Variants in WASF3 observed in about 807,000 individuals in gnomAD.
WASF3 encodes the protein WASP family member 3.
In WASF3, 11 loss-of-function variants were observed where a neutral mutation model predicts 46.6. The ratio of observed to expected loss-of-function variants is 0.24; its 90% CI spans 0.15 to 0.39. The LOEUF (loss-of-function observed/expected upper bound fraction) is 0.39, where lower values mean the gene tolerates loss of function less well. Ranked by LOEUF, WASF3 falls within the 10% of genes least tolerant of loss-of-function variation. The pLI is 1.00. For missense variants in WASF3, 576 were observed against 669.8 expected (o/e 0.86, Z 1.55); for synonymous variants, 242 against 259.7 (o/e 0.93, Z 0.65).
chr13:26,681,309 A>T lies in WASF3; in HGVS notation c.972A>T (p.Pro324=), dbSNP rs759847609. Residue 324 remains proline (P), a synonymous_variant, in exon 8 of 10, where the codon CCA becomes CCT. Transcript: ENST00000335327. The part of the protein sequence containing the change: ...EGSQASAPMA[P]ADYGMLPAQI... ...CCCAGGCCTCTGCACCGATGGCTCCAGCAGACTACGGGTAACTCAGCATGC... is the reference window on the plus strand; with the variant it reads ...CCCAGGCCTCTGCACCGATGGCTCCTGCAGACTACGGGTAACTCAGCATGC... 1 of 1,597,406 alleles carries T rather than the reference A, an allele frequency of 6.3e-7. No homozygotes were observed. The highest frequency in any genetic ancestry group is 2.2e-5 in the East Asian group (1 of 44,592).
intron 3 of WASF3, among the ~76,000 whole-genome samples, chr13:26,649,963 C>T (rs967550175): frequency 6.6e-6 from 1 of 151,924 alleles, no homozygotes; most frequent in African/African-American, 2.4e-5. Flanking sequence ...CCCAGCTACT[C>T]GGGGGGAGAG....
At chr13:26,612,737 A>T (rs1421081534) in intron 1 of WASF3, among the ~76,000 whole-genome samples, 1 of 152,144 alleles carries the variant, frequency 6.6e-6, no homozygotes, top group Non-Finnish European at 1.5e-5. Flanking sequence ...ATTTACTGTG[A>T]GTCCTTGAAG....
intron 1 of WASF3, among the ~76,000 whole-genome samples, chr13:26,603,327 C>G (rs1006080760): frequency 2.6e-5 from 4 of 152,056 alleles, no homozygotes; most frequent in Non-Finnish European, 5.9e-5. Flanking sequence ...TAAAGGTGTT[C>G]CAGCACCTGA....
At chr13:26,557,274 G>C (rs1231619282), upstream of WASF3, among the ~76,000 whole-genome samples, 1 of 152,204 alleles carries the variant, frequency 6.6e-6, no homozygotes, top group Non-Finnish European at 1.5e-5. Flanking sequence ...AGCCCTGGAG[G>C]ACGTCTGACA....
chr13:26,602,413 A>G (rs970427215), intron 1 of WASF3, among the ~76,000 whole-genome samples: 1 of 152,148 alleles, frequency 6.6e-6, no homozygotes, highest in Non-Finnish European at 1.5e-5. Context: ...GTTCGTTTGT[A>G]TCTTCTCTCA....
At chr13:26,567,596 T>C (rs1439789903) in intron 1 of WASF3, among the ~76,000 whole-genome samples, 1 of 152,206 alleles carries the variant, frequency 6.6e-6, no homozygotes, top group Non-Finnish European at 1.5e-5. Context: ...GCTATCTGGC[T>C]CTTTACAGTA....
At chr13:26,601,571 C>T (rs778302075) in intron 1 of WASF3, among the ~76,000 whole-genome samples, 4 of 152,138 alleles carry the variant, frequency 2.6e-5, no homozygotes, top group Non-Finnish European at 5.9e-5. Context: ...GCATTTTATG[C>T]AGAATTCAAG....
upstream of WASF3, among the ~76,000 whole-genome samples, chr13:26,554,059 C>T (rs1158566260): frequency 1.1e-4 from 9 of 78,974 alleles, no homozygotes; most frequent in Non-Finnish European, 1.5e-4. Context: ...TTCCTTCCTT[C>T]CTTCCTTCCT....
chr13:26,570,860 T>A (rs1879612555), intron 1 of WASF3, among the ~76,000 whole-genome samples: 1 of 152,240 alleles, frequency 6.6e-6, no homozygotes, highest in South Asian at 2.1e-4. Context: ...ATATGTAATC[T>A]TGTTAGACGC....
At chr13:26,651,739 A>C (rs1193922293) in intron 3 of WASF3, among the ~76,000 whole-genome samples, 1 of 152,252 alleles carries the variant, frequency 6.6e-6, no homozygotes, top group Non-Finnish European at 1.5e-5. Flanking sequence ...GTATCTGCTT[A>C]AAAGACTAGT....
chr13:26,583,941 T>C (rs1390598341), intron 1 of WASF3, among the ~76,000 whole-genome samples: 1 of 152,208 alleles, frequency 6.6e-6, no homozygotes, highest in Non-Finnish European at 1.5e-5. Flanking sequence ...CTTAAAAAGG[T>C]TCTGAAAACT....
intron 3 of WASF3, among the ~76,000 whole-genome samples, chr13:26,650,280 C>A (rs1238292593): frequency 6.6e-6 from 1 of 152,146 alleles, no homozygotes; most frequent in East Asian, 1.9e-4. Flanking sequence ...AAGACTGAGA[C>A]CCCAGTCATA....
intron 1 of WASF3, among the ~76,000 whole-genome samples, chr13:26,602,400 T>C (rs1053233050): frequency 6.6e-6 from 1 of 152,238 alleles, no homozygotes; most frequent in Admixed American, 6.5e-5. Flanking sequence ...TTTCCTTGTT[T>C]TTGTTCGTTT....
Position 26,679,888 on chromosome 13 carries a change from C to T in WASF3, c.717-1166C>T. 1 of 841,756 alleles carries T rather than the reference C, an allele frequency of 1.2e-6. No individual in the cohort carries two copies. Among genetic ancestry groups the T allele is most frequent in the East Asian group, 2.7e-5 (1 of 36,472 alleles). The allele number at this position is 841,756 out of a possible 1,614,324, so 52.1% of individuals were successfully genotyped here. A position where few individuals can be genotyped will look rare whatever the true frequency, so the allele number is the denominator to read the frequency against. ...TTAAGGAAGGAAAAAGGAAAAGAAG[C>T]TGTCTCTTCTCATTTGGAAGGCTTT... On this transcript the variant is annotated intron_variant, in intron 7 of 9. Coordinates refer to ENST00000335327, the MANE Select transcript of WASF3 (RefSeq NM_006646.6). The surrounding 1 kb of genome is among the most constrained non-coding windows in gnomAD (Gnocchi z 4.8).
intron 2 of WASF3, among the ~76,000 whole-genome samples, chr13:26,634,782 A>T (rs1457791545): frequency 1.3e-5 from 2 of 152,260 alleles, no homozygotes; most frequent in East Asian, 3.9e-4. Context: ...CTGGGTTGAA[A>T]ATTCTTTTCT....
chr13:26,580,840 G>A (rs996789047), intron 1 of WASF3, among the ~76,000 whole-genome samples: 5 of 151,328 alleles, frequency 3.3e-5, no homozygotes, highest in Non-Finnish European at 1.5e-5. Flanking sequence ...GGTCAGGTTG[G>A]TCTCGAGCTC....
intron 1 of WASF3, among the ~76,000 whole-genome samples, chr13:26,610,504 G>T (rs141382813): frequency 2.6e-5 from 4 of 152,280 alleles, no homozygotes; most frequent in East Asian, 3.9e-4. Flanking sequence ...ACATATATAT[G>T]TGTTTATTGA....
At chr13:26,622,515 A>G (rs898898098) in intron 2 of WASF3, 2 of 152,202 alleles carry the variant, frequency 1.3e-5, no homozygotes, top group Non-Finnish European at 2.9e-5. Flanking sequence ...ATGTTAATAG[A>G]GTAGTGGTGG....
At chr13:26,563,940 C>T (rs893257237) in intron 1 of WASF3, among the ~76,000 whole-genome samples, 2 of 152,116 alleles carry the variant, frequency 1.3e-5, no homozygotes, top group African/African-American at 2.4e-5. Flanking sequence ...TGAAATTTCC[C>T]TGGGATCTTT....
Sources: allele counts gnomAD v4.1 joint callset (sites outside exome capture counted in the v4.1 genomes callset), GRCh38; gene constraint gnomAD v4.1.1; non-coding constraint Gnocchi (gnomAD v3.1); transcripts MANE v1.5; gene names NCBI Gene and HGNC (gene_info 2026-07-23, HGNC 2026-07-21).